Variants in SOX5 observed in about 807,000 individuals in gnomAD.
SOX5 encodes the protein transcription factor SOX-5.
In SOX5, 9 loss-of-function variants were observed where a neutral mutation model predicts 92.0. The ratio of observed to expected loss-of-function variants is 0.10; its 90% confidence interval spans 0.06 to 0.17. The LOEUF (loss-of-function observed/expected upper bound fraction) is 0.17. SOX5 is among the 10% of genes least tolerant of loss of function. The pLI is 1.00. For synonymous variants in SOX5, 344 were observed against 336.3 expected (o/e 1.02, Z -0.25); for missense variants, 642 against 944.5 (o/e 0.68, Z 4.20).
At chr12:23,898,031 C>A (rs2097194908) in intron 1 of SOX5, among the ~76,000 whole-genome samples, 1 of 152,150 alleles carries the variant, frequency 6.6e-6, no homozygotes, top group Non-Finnish European at 1.5e-5. Flanking sequence ...CCATATCACA[C>A]ACTAAATTGA....
chr12:23,686,420 C>T (rs1046427312), intron 6 of SOX5, among the ~76,000 whole-genome samples: 7 of 152,082 alleles, frequency 4.6e-5, no homozygotes, highest in African/African-American at 1.7e-4. Flanking sequence ...TATTTTAGAA[C>T]AGCTTCTCCC....
upstream of SOX5, among the ~76,000 whole-genome samples, chr12:23,953,625 A>G (rs1182504362): frequency 2.0e-5 from 3 of 152,042 alleles, no homozygotes; most frequent in Admixed American, 6.5e-5. Flanking sequence ...TTTCAAATCA[A>G]TTTTTGAGTA....
At chr12:24,312,678 A>G (rs1249623285) in intron 2 of SOX5, among the ~76,000 whole-genome samples, 1 of 152,216 alleles carries the variant, frequency 6.6e-6, no homozygotes, top group Non-Finnish European at 1.5e-5. Context: ...ATTCAGAAAG[A>G]CATTTAATTT....
At chr12:23,840,238 ATT>A (rs1209136048) in intron 3 of SOX5, among the ~76,000 whole-genome samples, 2 of 152,216 alleles carry the variant, frequency 1.3e-5, no homozygotes, top group South Asian at 4.1e-4. Flanking sequence ...TTACATTTAA[ATT>A]TTTACATCAA....
At chr12:23,607,516 T>C (rs906272845) in intron 8 of SOX5, among the ~76,000 whole-genome samples, 1 of 150,462 alleles carries the variant, frequency 6.6e-6, no homozygotes, top group Non-Finnish European at 1.5e-5. Flanking sequence ...TTTTAAAAAA[T>C]TATGCTCCTT....
At chr12:23,695,116 C>CT (rs1362354702) in intron 6 of SOX5, among the ~76,000 whole-genome samples, 1 of 22,072 alleles carries the variant, frequency 4.5e-5, no homozygotes, top group Non-Finnish European at 1.1e-4. Flanking sequence ...GAAACCTTGT[C>CT]TCAAAAAAAA....
rs112142228 is a variant in SOX5 at position 24,220,806 on chromosome 12, A to G, written c.-76-7389T>C. On this transcript the variant is annotated intron_variant, in intron 3 of 4. Coordinates refer to the SOX5 transcript ENST00000446891. Reference sequence around the variant, plus strand: ...TATAAACATGAAGTTTCCTCCAAACAGTATTGAATAACCAAACTCATAGAG... The same window carrying G: ...TATAAACATGAAGTTTCCTCCAAACGGTATTGAATAACCAAACTCATAGAG... 6.8e-3 allele frequency among the ~76,000 whole-genome samples: 1,029 copies of G among 152,328 alleles called. 14 individuals are homozygous for G. The highest frequency in any genetic ancestry group is 0.023 in the African/African-American group (970 of 41,570).
intron 6 of SOX5, among the ~76,000 whole-genome samples, chr12:23,714,004 A>G (rs1459042191): frequency 1.3e-5 from 2 of 151,074 alleles, no homozygotes; most frequent in Non-Finnish European, 2.9e-5. Flanking sequence ...AGGCAGGATA[A>G]TTGCTTGAAC....
At chr12:24,202,145 G>T (rs763089562) in intron 4 of SOX5, among the ~76,000 whole-genome samples, 23 of 152,162 alleles carry the variant, frequency 1.5e-4, no homozygotes, top group Non-Finnish European at 2.2e-4. Context: ...TATCCCCGGG[G>T]TTTACACAGT....
intron 3 of SOX5, among the ~76,000 whole-genome samples, chr12:23,792,659 A>AAAAAAAAC (rs2095496767): frequency 1.2e-4 from 16 of 132,554 alleles, no homozygotes; most frequent in African/African-American, 4.1e-4. Context: ...AAAAAAAAAA[A>AAAAAAAAC]AAACTTGGAC....
chr12:23,843,413 C>T (rs573305650), intron 3 of SOX5, among the ~76,000 whole-genome samples: 22 of 151,864 alleles, frequency 1.4e-4, no homozygotes, highest in Admixed American at 9.8e-4. Flanking sequence ...AGACTGTATA[C>T]GGATGGAATA....
chr12:23,879,617 A>G (rs978589626), intron 2 of SOX5, among the ~76,000 whole-genome samples: 2 of 152,190 alleles, frequency 1.3e-5, no homozygotes, highest in Admixed American at 6.5e-5. Context: ...AAATTAATGT[A>G]TGTTTTCTTT....
intron 6 of SOX5, among the ~76,000 whole-genome samples, chr12:23,723,154 A>G (rs554493661): frequency 6.6e-6 from 1 of 151,788 alleles, no homozygotes; most frequent in East Asian, 1.9e-4. Context: ...TATACTAACA[A>G]TCTGGGAAAC....
At chr12:24,266,019 C>A (rs530251387) in intron 3 of SOX5, among the ~76,000 whole-genome samples, 1 of 146,376 alleles carries the variant, frequency 6.8e-6, no homozygotes, top group East Asian at 2.1e-4. Flanking sequence ...CAGGTGTATG[C>A]CATCATGCCA....
chr12:23,752,617 G>A (rs188343442), intron 4 of SOX5, among the ~76,000 whole-genome samples: 27 of 151,786 alleles, frequency 1.8e-4, no homozygotes, highest in African/African-American at 3.6e-4. Flanking sequence ...GTTGCCAGCC[G>A]GAGTAAAGGC....
chr12:23,611,823 C>A lies in SOX5; in HGVS notation c.1018-7290G>T, dbSNP rs185409784. ...GTTATGTCCACCATCCTCTCTCTAC[C>A]CTTACTCTCCCCCTTTTCATCCTCC... On this transcript the variant is annotated intron_variant, in intron 8 of 14. Coordinates refer to ENST00000451604, the MANE Select transcript of SOX5 (RefSeq NM_006940.6). Among the ~76,000 whole-genome samples, 1,077 of 151,878 alleles carry A rather than the reference C, an allele frequency of 7.1e-3. 8 individuals carry two copies. The highest frequency in any genetic ancestry group is 0.012 in the Non-Finnish European group (835 of 67,936).
At chr12:24,345,874 G>T (rs1953167451) in intron 2 of SOX5, among the ~76,000 whole-genome samples, 1 of 152,030 alleles carries the variant, frequency 6.6e-6, no homozygotes, top group Non-Finnish European at 1.5e-5. Flanking sequence ...GCTTTGTTTG[G>T]GGCTTGTTCA....
intron 4 of SOX5, among the ~76,000 whole-genome samples, chr12:24,197,500 C>T (rs1957117767): frequency 6.6e-6 from 1 of 152,148 alleles, no homozygotes; most frequent in Non-Finnish European, 1.5e-5. Context: ...ACTGGCTACC[C>T]AATACCCCTT....
At chr12:23,855,281 C>A (rs2096674488) in intron 2 of SOX5, among the ~76,000 whole-genome samples, 1 of 151,690 alleles carries the variant, frequency 6.6e-6, no homozygotes, top group Admixed American at 6.6e-5. Context: ...ACAAACTTTT[C>A]TTTTGTTTTT....
Sources: allele counts gnomAD v4.1 joint callset (sites outside exome capture counted in the v4.1 genomes callset), GRCh38; gene constraint gnomAD v4.1.1; transcripts MANE v1.5; gene names NCBI Gene and HGNC (gene_info 2026-07-23, HGNC 2026-07-21).